Variants in RNF13 observed in about 807,000 individuals in gnomAD.
RNF13 encodes the protein E3 ubiquitin-protein ligase RNF13.
Under a neutral mutation model 37.7 loss-of-function variants are expected in RNF13, and 19 were observed. The ratio of observed to expected loss-of-function variants is 0.50; its 90% CI spans 0.35 to 0.74. The LOEUF is 0.74. Ranked by LOEUF, RNF13 falls within the 30% of genes least tolerant of loss-of-function variation. RNF13 has a pLI of 0.01. For synonymous variants in RNF13, 144 were observed against 157.8 expected, an observed-to-expected ratio of 0.91 and a Z score of 0.65; for missense variants, 375 against 453.0, an observed-to-expected ratio of 0.83 and a Z score of 1.56.
intron 1 of RNF13, among the ~76,000 whole-genome samples, chr3:149,845,028 A>G (rs754834203): frequency 3.3e-5 from 5 of 152,128 alleles, no homozygotes; most frequent in Non-Finnish European, 7.3e-5. Flanking sequence ...GAACAAATCT[A>G]TACTTTAGCA....
At chr3:149,860,304 G>A (rs1442931096) in intron 3 of RNF13, among the ~76,000 whole-genome samples, 28 of 126,224 alleles carry the variant, frequency 2.2e-4, no homozygotes, top group African/African-American at 7.0e-4. Context: ...TATATATAAC[G>A]TGTATATATA....
In RNF13 at chr3:149,846,040, T is replaced by G. The variant is rs1197500566; in HGVS notation, c.14T>G (p.Ile5Arg). 1.2e-6 allele frequency: 2 copies of G among 1,611,256 alleles called. No homozygotes were observed. The highest frequency in any genetic ancestry group is 3.3e-5 in the Admixed American group (2 of 59,954). ...TTTTACAACGAGATGCTGCTCTCCA[T>G]AGGGATGCTCATGCTGTCAGCCACA... is the stretch of plus-strand genomic sequence containing the variant. MLLS[I>R]GMLMLSATQV... is the part of the protein sequence containing the mutation. Residue 5 changes from isoleucine to arginine, a missense_variant, in exon 2 of 10, where the codon ATA becomes AGA. Transcript: ENST00000392894.
intron 4 of RNF13, among the ~76,000 whole-genome samples, chr3:149,877,391 A>G (rs1265514848): frequency 1.3e-5 from 2 of 150,966 alleles, no homozygotes; most frequent in South Asian, 2.1e-4. Flanking sequence ...CTAGTTCTCA[A>G]TGTTTATAGA....
rs1187040668 is a variant in RNF13 at position 149,961,988 on chromosome 3, A to G, written c.*884A>G. ...AACAGAACTAATGATGTATTGAAACACTGTATTATGAAAAGCTAAATTATA... is the reference window on the plus strand; with the variant it reads ...AACAGAACTAATGATGTATTGAAACGCTGTATTATGAAAAGCTAAATTATA... On this transcript the variant is annotated 3_prime_UTR_variant, in exon 10 of 10. Coordinates refer to ENST00000392894, the MANE Select transcript of RNF13 (RefSeq NM_183381.3). 1 of 152,666 alleles carries G rather than the reference A, an allele frequency of 6.6e-6. No individual in the cohort carries two copies. Among genetic ancestry groups the G allele is most frequent in the Non-Finnish European group, 1.5e-5 (1 of 68,032 alleles). The allele number at this position is 152,666 out of a possible 1,614,324, so 9.5% of individuals were successfully genotyped here.
intron 1 of RNF13, chr3:149,814,264 A>G (rs1311199251): frequency 6.6e-6 from 1 of 152,196 alleles, no homozygotes; most frequent in African/African-American, 2.4e-5. Context: ...TTGATACAAT[A>G]TAAATAAGTA....
chr3:149,853,478 G>C (rs971698774), intron 3 of RNF13, among the ~76,000 whole-genome samples: 2 of 151,062 alleles, frequency 1.3e-5, no homozygotes, highest in Admixed American at 6.6e-5. Context: ...GAGAGAGAGA[G>C]AGAGAGAGAG....
chr3:149,908,754 G>A (rs1576520000), intron 6 of RNF13, among the ~76,000 whole-genome samples: 1 of 152,232 alleles, frequency 6.6e-6, no homozygotes, highest in Non-Finnish European at 1.5e-5. Context: ...CTGAGGCTTA[G>A]TAGTTTGATT....
chr3:149,916,525 A>G (rs972236854), intron 7 of RNF13, among the ~76,000 whole-genome samples: 4 of 152,176 alleles, frequency 2.6e-5, no homozygotes, highest in Non-Finnish European at 5.9e-5. Flanking sequence ...AGTAGCTTAC[A>G]TTTTAGTAGA....
chr3:149,927,569 C>T (rs1430767192), intron 8 of RNF13, among the ~76,000 whole-genome samples: 1 of 152,216 alleles, frequency 6.6e-6, no homozygotes, highest in African/African-American at 2.4e-5. Context: ...TACCATTTTA[C>T]ATTCCCAGCA....
chr3:149,919,918 G>C (rs896951048), intron 7 of RNF13, among the ~76,000 whole-genome samples: 73 of 152,216 alleles, frequency 4.8e-4, no homozygotes, highest in African/African-American at 1.8e-3. Flanking sequence ...TATAGTCAGT[G>C]TTTTACATTT....
chr3:149,922,755 A>G (rs2108540336), intron 8 of RNF13, among the ~76,000 whole-genome samples: 1 of 152,204 alleles, frequency 6.6e-6, no homozygotes, highest in African/African-American at 2.4e-5. Flanking sequence ...CGGGTCAGGG[A>G]CATTAGGAAT....
intron 1 of RNF13, among the ~76,000 whole-genome samples, chr3:149,843,758 T>A (rs1026820769): frequency 1.3e-5 from 2 of 152,202 alleles, no homozygotes; most frequent in African/African-American, 4.8e-5. Context: ...AAACTGACTG[T>A]TAGGTTTGAA....
chr3:149,853,459 A>G (rs1174499283), intron 3 of RNF13, among the ~76,000 whole-genome samples: 5 of 28,720 alleles, frequency 1.7e-4, no homozygotes, highest in Non-Finnish European at 3.4e-4. Context: ...AGAGAGGGAG[A>G]GAGAGAGAGA....
At chr3:149,933,998 G>A (rs1410889476) in intron 8 of RNF13, among the ~76,000 whole-genome samples, 1 of 152,136 alleles carries the variant, frequency 6.6e-6, no homozygotes, top group African/African-American at 2.4e-5. Flanking sequence ...CAGCAGTGAA[G>A]CCATCCAGTC....
intron 3 of RNF13, among the ~76,000 whole-genome samples, chr3:149,860,256 T>TAAAAAAAAAAAA (rs764889596): frequency 1.0e-4 from 6 of 57,806 alleles, no homozygotes; most frequent in Non-Finnish European, 2.0e-4. Context: ...AGACTCCATC[T>TAAAAAAAAAAAA]AAAAAAAAAA....
chr3:149,901,313 G>C (rs984766466), intron 5 of RNF13, among the ~76,000 whole-genome samples: 7 of 152,150 alleles, frequency 4.6e-5, no homozygotes, highest in Non-Finnish European at 1.0e-4. Context: ...AAAGCCAAAT[G>C]TGTTAAACTA....
At chr3:149,831,542 G>A (rs1045988057) in intron 1 of RNF13, among the ~76,000 whole-genome samples, 2 of 152,178 alleles carry the variant, frequency 1.3e-5, no homozygotes, top group African/African-American at 4.8e-5. Context: ...TTTGACCAAT[G>A]CCTGTCCCCT....
intron 1 of RNF13, among the ~76,000 whole-genome samples, chr3:149,838,294 GT>G (rs1559897503): frequency 6.6e-6 from 1 of 152,210 alleles, no homozygotes; most frequent in East Asian, 1.9e-4. Context: ...CTGGTGGACA[GT>G]GGTCCTCTTC....
At chr3:149,828,299 C>G (rs560254450) in intron 1 of RNF13, among the ~76,000 whole-genome samples, 1 of 152,294 alleles carries the variant, frequency 6.6e-6, no homozygotes, top group South Asian at 2.1e-4. Flanking sequence ...GAAAAACATT[C>G]ATGTCAGATG....
Sources: gnomAD v4.1 joint callset for allele counts (sites outside exome capture counted in the v4.1 genomes callset) on GRCh38, gnomAD v4.1.1 for gene constraint, MANE v1.5 for transcripts, NCBI Gene and HGNC (gene_info 2026-07-23, HGNC 2026-07-21) for gene names.